Variants in CNTNAP5 observed in about 807,000 individuals in gnomAD.
CNTNAP5 encodes contactin associated protein family member 5.
A neutral mutation model predicts 150.2 loss-of-function variants in CNTNAP5; 72 were observed. The observed-to-expected ratio is 0.48, with a 90% CI of 0.40 to 0.58. The LOEUF is 0.58. Ranked by LOEUF, CNTNAP5 falls within the 20% of genes least tolerant of loss-of-function variation. CNTNAP5 has a pLI of 0.00. For synonymous variants in CNTNAP5, 672 were observed against 619.8 expected (o/e 1.08, Z -1.25); for missense variants, 1,636 against 1,626.2 (o/e 1.01, Z -0.10).
chr2:124,314,119 A>G (rs1688900238), intron 3 of CNTNAP5, among the ~76,000 whole-genome samples: 1 of 152,218 alleles, frequency 6.6e-6, no homozygotes, highest in Non-Finnish European at 1.5e-5. Flanking sequence ...TACCAGATTC[A>G]CAAGGAATAA....
chr2:124,152,199 C>A (rs1185329040), intron 1 of CNTNAP5, among the ~76,000 whole-genome samples: 1 of 152,190 alleles, frequency 6.6e-6, no homozygotes, highest in Non-Finnish European at 1.5e-5. Flanking sequence ...GCTTGTCTGA[C>A]TTTCCTGTCT....
At chr2:124,330,125 A>G (rs1689313633) in intron 3 of CNTNAP5, among the ~76,000 whole-genome samples, 1 of 152,248 alleles carries the variant, frequency 6.6e-6, no homozygotes, top group South Asian at 2.1e-4. Context: ...TTTACTTATA[A>G]GACTAGAAAC....
chr2:124,120,708 G>C (rs557059827), intron 1 of CNTNAP5, among the ~76,000 whole-genome samples: 4 of 152,252 alleles, frequency 2.6e-5, no homozygotes, highest in Admixed American at 2.6e-4. Context: ...GCAGTCATAG[G>C]GGAAAGGCAT....
At chr2:124,577,634 A>G (rs763973716) in intron 11 of CNTNAP5, among the ~76,000 whole-genome samples, 1 of 152,166 alleles carries the variant, frequency 6.6e-6, no homozygotes, top group Non-Finnish European at 1.5e-5. Context: ...TGGGTTATAT[A>G]CTAAGAAAAT....
intron 1 of CNTNAP5, among the ~76,000 whole-genome samples, chr2:124,064,710 G>C (rs1161871996): frequency 6.6e-6 from 1 of 152,048 alleles, no homozygotes; most frequent in Admixed American, 6.6e-5. Context: ...TCATTATTCA[G>C]TGTTCCACCA....
At chr2:124,212,531 G>T (rs1686039541) in intron 1 of CNTNAP5, among the ~76,000 whole-genome samples, 1 of 151,914 alleles carries the variant, frequency 6.6e-6, no homozygotes, top group African/African-American at 2.4e-5. Flanking sequence ...TAATTTTTTT[G>T]GTTTATGAAT....
At chr2:124,065,342 C>G (rs1255775059) in intron 1 of CNTNAP5, among the ~76,000 whole-genome samples, 2 of 152,130 alleles carry the variant, frequency 1.3e-5, no homozygotes, top group Non-Finnish European at 2.9e-5. Context: ...TGGTATCATA[C>G]CTGATTCAGA....
intron 3 of CNTNAP5, among the ~76,000 whole-genome samples, chr2:124,286,083 A>T (rs569316454): frequency 6.6e-6 from 1 of 152,206 alleles, no homozygotes; most frequent in Non-Finnish European, 1.5e-5. Context: ...TTTTATTTTG[A>T]TAACAGAACA....
At chr2:124,140,031 C>CA (rs1268292591) in intron 1 of CNTNAP5, among the ~76,000 whole-genome samples, 1 of 151,974 alleles carries the variant, frequency 6.6e-6, no homozygotes, top group African/African-American at 2.4e-5. Flanking sequence ...GGGTGACAGA[C>CA]GCACCTGGAA....
intron 13 of CNTNAP5, among the ~76,000 whole-genome samples, chr2:124,667,762 C>T (rs944537843): frequency 6.6e-6 from 1 of 152,206 alleles, no homozygotes; most frequent in Non-Finnish European, 1.5e-5. Context: ...TTTCTTCCTG[C>T]ACCACTTAAT....
intron 6 of CNTNAP5, among the ~76,000 whole-genome samples, chr2:124,453,248 T>C (rs2104812887): frequency 6.6e-6 from 1 of 152,130 alleles, no homozygotes; most frequent in Non-Finnish European, 1.5e-5. Context: ...CTCAAAATTC[T>C]CAGCAATAGA....
rs538016478 is a variant in CNTNAP5, at chr2:124,800,374, T to C, written c.3217+2054T>C. Among the ~76,000 whole-genome samples the C allele has an allele frequency of 3.0e-3, 459 of 151,390 alleles. 3 individuals are homozygous for C. The highest frequency in any genetic ancestry group is 5.0e-3 in the Non-Finnish European group (340 of 67,762). On this transcript the variant is annotated intron_variant, in intron 19 of 23. Coordinates refer to ENST00000682447, the MANE Select transcript of CNTNAP5 (RefSeq NM_001367498.1). ...AATTGTATCAAATTGCACACACATA[T>C]ACACACACACACACACAAATATATA...
chr2:124,914,214 T>G lies in CNTNAP5; in HGVS notation c.3850T>G (p.Leu1284Val), dbSNP rs764674063. The change falls in exon 24 of 24, where the codon TTG (leucine) becomes GTG (valine). Residue 1284 changes from leucine (L) to valine (V), a missense_variant. Physicochemically the swap from Leu to Val is conservative, Grantham distance 32. Transcript: ENST00000682447. ...QMKEKEYPEN[L>V]DSSFRNEIDL... ...GAAGGAGAAGGAATATCCAGAAAAT[T>G]TGGACAGTTCCTTCAGAAATGAAAT... The G allele has an allele frequency of 1.9e-6, 3 of 1,612,606 alleles. No homozygotes were observed. Among genetic ancestry groups the G allele is most frequent in the Admixed American group, 1.7e-5 (1 of 59,886 alleles).
At chr2:124,179,345 A>T (rs1456451449) in intron 1 of CNTNAP5, among the ~76,000 whole-genome samples, 5 of 151,988 alleles carry the variant, frequency 3.3e-5, no homozygotes, top group African/African-American at 4.8e-5. Context: ...TTTTTTGTAG[A>T]GACGAGGTTT....
At chr2:124,554,795 A>G (rs1407111961) in intron 10 of CNTNAP5, among the ~76,000 whole-genome samples, 1 of 152,174 alleles carries the variant, frequency 6.6e-6, no homozygotes, top group African/African-American at 2.4e-5. Flanking sequence ...TACAAACACA[A>G]AAGGACTATT....
intron 7 of CNTNAP5, among the ~76,000 whole-genome samples, chr2:124,490,342 A>AAAAAAG (rs1693988953): frequency 2.0e-5 from 3 of 150,780 alleles, no homozygotes; most frequent in Non-Finnish European, 3.0e-5. Context: ...TTTCAGAAAA[A>AAAAAAG]AAAAAGAAGA....
At chr2:124,445,780 G>C (rs1243728851) in intron 5 of CNTNAP5, among the ~76,000 whole-genome samples, 1 of 152,124 alleles carries the variant, frequency 6.6e-6, no homozygotes, top group Admixed American at 6.5e-5. Context: ...AGTTACTAAG[G>C]AACCTAATAT....
At chr2:124,178,401 G>A (rs1461911311) in intron 1 of CNTNAP5, among the ~76,000 whole-genome samples, 1 of 152,032 alleles carries the variant, frequency 6.6e-6, no homozygotes, top group Admixed American at 6.6e-5. Context: ...CCTTATCCAA[G>A]TTCTTAATAT....
At chr2:124,709,681 A>G (rs1679766279) in intron 13 of CNTNAP5, among the ~76,000 whole-genome samples, 2 of 152,320 alleles carry the variant, frequency 1.3e-5, no homozygotes, top group South Asian at 2.1e-4. Context: ...GACAAAATCT[A>G]CAAGTTAATA....
Sources: gnomAD v4.1 joint callset for allele counts (sites outside exome capture counted in the v4.1 genomes callset) on GRCh38, gnomAD v4.1.1 for gene constraint, MANE v1.5 for transcripts, NCBI Gene and HGNC (gene_info 2026-07-23, HGNC 2026-07-21) for gene names.